C8orf74: variants seen among roughly 807,000 people sequenced by gnomAD.
The protein encoded by C8orf74 is chromosome 8 open reading frame 74.
C8orf74 carries 29 observed loss-of-function variants against 22.2 expected under a neutral mutation model. That is an observed-to-expected ratio of 1.31 (90% CI 0.97 to 1.78). The LOEUF is 1.78. Ranked by LOEUF, C8orf74 falls within the 40% of genes most tolerant of loss-of-function variation. C8orf74 has a pLI of 0.00. For missense variants in C8orf74, 515 were observed against 369.9 expected (o/e 1.39, Z -3.22); for synonymous variants, 255 against 163.1 (o/e 1.56, Z -4.30).
intron 2 of C8orf74, among the ~76,000 whole-genome samples, chr8:10,677,018 T>G (rs548168205): frequency 2.5e-4 from 38 of 152,110 alleles, no homozygotes; most frequent in African/African-American, 8.9e-4. Flanking sequence ...GCACTTCTGG[T>G]TGGAGCATGC....
At chr8:10,690,978 C>T in intron 2 of C8orf74, 1 of 455,108 alleles carries the variant, frequency 2.2e-6, no homozygotes. Context: ...ACAGATCTGT[C>T]CGCCCGGCAG....
intron 2 of C8orf74, among the ~76,000 whole-genome samples, chr8:10,683,723 T>C (rs908975746): frequency 6.6e-6 from 1 of 152,060 alleles, no homozygotes; most frequent in Non-Finnish European, 1.5e-5. Flanking sequence ...GCCCCAGAGG[T>C]CACTGGATCC....
intron 2 of C8orf74, among the ~76,000 whole-genome samples, chr8:10,693,427 C>G (rs1338264662): frequency 6.6e-6 from 1 of 152,194 alleles, no homozygotes; most frequent in African/African-American, 2.4e-5. Context: ...ACTCCTCAAC[C>G]ACCTCCCTGG....
intron 1 of C8orf74, among the ~76,000 whole-genome samples, chr8:10,674,240 C>T (rs1357290022): frequency 4.8e-5 from 7 of 146,310 alleles, no homozygotes; most frequent in Non-Finnish European, 9.0e-5. Context: ...CATATCATAC[C>T]CCACAACCCT....
In C8orf74 at chr8:10,695,209, C is replaced by T. The variant is rs190922223; in HGVS notation, c.242-2390C>T. ...CTGTACGAAGCTGGACATCTTACCCCATTTGACCCTTCCAACAAGCCTGTG... is the reference window on the plus strand; with the variant it reads ...CTGTACGAAGCTGGACATCTTACCCTATTTGACCCTTCCAACAAGCCTGTG... On this transcript the variant is annotated intron_variant, in intron 2 of 3. Coordinates refer to ENST00000304519, the MANE Select transcript of C8orf74 (RefSeq NM_001040032.2). 4.7e-3 allele frequency among the ~76,000 whole-genome samples: 708 copies of T among 152,236 alleles called. 13 individuals carry two copies. The highest frequency in any genetic ancestry group is 1.6e-3 in the Non-Finnish European group (106 of 68,012).
At chr8:10,676,618 G>C (rs534037232) in intron 2 of C8orf74, among the ~76,000 whole-genome samples, 1 of 152,048 alleles carries the variant, frequency 6.6e-6, no homozygotes, top group African/African-American at 2.4e-5. Flanking sequence ...GCCAGCCTGC[G>C]TTCCCACCCA....
chr8:10,679,182 C>T (rs1166215474), intron 2 of C8orf74, among the ~76,000 whole-genome samples: 3 of 152,138 alleles, frequency 2.0e-5, no homozygotes, highest in African/African-American at 7.2e-5. Flanking sequence ...ACTTCACAGG[C>T]TTGTTGAGTT....
At chr8:10,678,519 G>C (rs1472476878) in intron 2 of C8orf74, among the ~76,000 whole-genome samples, 1 of 151,264 alleles carries the variant, frequency 6.6e-6, no homozygotes, top group African/African-American at 2.4e-5. Flanking sequence ...TTTCTCCTCA[G>C]CCCCTGCACT....
intron 2 of C8orf74, among the ~76,000 whole-genome samples, chr8:10,693,586 G>C (rs994051679): frequency 2.0e-5 from 3 of 152,160 alleles, no homozygotes; most frequent in Non-Finnish European, 4.4e-5. Context: ...CCCAATGCTG[G>C]GGGCTGAGAA....
chr8:10,689,471 G>A (rs1292539300), intron 2 of C8orf74: 1 of 152,162 alleles, frequency 6.6e-6, no homozygotes, highest in Non-Finnish European at 1.5e-5. Context: ...GCATATTAAA[G>A]CTCTATTTAA....
At chr8:10,687,580 C>T (rs1222634352) in intron 2 of C8orf74, among the ~76,000 whole-genome samples, 1 of 118,406 alleles carries the variant, frequency 8.4e-6, no homozygotes, top group East Asian at 2.5e-4. Flanking sequence ...CGCTCCACTG[C>T]AATCCAGCCT....
At chr8:10,674,238 AC>A (rs1317444173) in intron 1 of C8orf74, among the ~76,000 whole-genome samples, 1 of 127,190 alleles carries the variant, frequency 7.9e-6, no homozygotes, top group African/African-American at 3.1e-5. Flanking sequence ...CCCATATCAT[AC>A]CCCACAACCC....
chr8:10,693,787 G>A lies in C8orf74; in HGVS notation c.242-3812G>A, dbSNP rs112106583. Among the ~76,000 whole-genome samples, 217 of 152,282 alleles carry A rather than the reference G, an allele frequency of 1.4e-3. 3 individuals carry two copies. In the Middle Eastern group the frequency reaches 0.027, roughly 19 times the overall value. On this transcript the variant is annotated intron_variant, in intron 2 of 3. Coordinates refer to ENST00000304519, the MANE Select transcript of C8orf74 (RefSeq NM_001040032.2). ...TTTCTGTCTTGCACACCCTACGTCC[G>A]AGGACGGCCAGGTCCTGCCACTCAG...
chr8:10,696,416 TTTTTC>T (rs1226997745), intron 2 of C8orf74, among the ~76,000 whole-genome samples: 2,274 of 142,980 alleles, frequency 0.016, 43 homozygotes, highest in African/African-American at 0.044. Flanking sequence ...CCACTCTTTT[TTTTTC>T]TTTTCTTTTC....
At chr8:10,678,506 C>T (rs968376074) in intron 2 of C8orf74, among the ~76,000 whole-genome samples, 2 of 152,006 alleles carry the variant, frequency 1.3e-5, no homozygotes, top group Non-Finnish European at 2.9e-5. Flanking sequence ...CGTGCCAGGG[C>T]CCTTTCTCCT....
At chr8:10,683,604 C>T (rs549298836) in intron 2 of C8orf74, among the ~76,000 whole-genome samples, 1 of 152,176 alleles carries the variant, frequency 6.6e-6, no homozygotes, top group Non-Finnish European at 1.5e-5. Context: ...CCTCACCAAG[C>T]TCGAGTCAGC....
At chr8:10,692,178 G>A (rs546025964) in intron 2 of C8orf74, 1 of 152,536 alleles carries the variant, frequency 6.6e-6, no homozygotes, top group Non-Finnish European at 1.5e-5. Context: ...GGACAGGAAG[G>A]GACACAGGGC....
At chr8:10,694,886 G>A (rs1373037975) in intron 2 of C8orf74, among the ~76,000 whole-genome samples, 3 of 152,144 alleles carry the variant, frequency 2.0e-5, no homozygotes, top group Non-Finnish European at 4.4e-5. Flanking sequence ...ATGAATGGAT[G>A]GAAGAATGGA....
chr8:10,684,434 C>T (rs370477972), intron 2 of C8orf74, among the ~76,000 whole-genome samples: 1 of 152,196 alleles, frequency 6.6e-6, no homozygotes, highest in Non-Finnish European at 1.5e-5. Context: ...GAGTCCATGA[C>T]AGTCTTTAAA....
Sources: allele counts gnomAD v4.1 joint callset (sites outside exome capture counted in the v4.1 genomes callset), GRCh38; gene constraint gnomAD v4.1.1; transcripts MANE v1.5; gene names NCBI Gene and HGNC (gene_info 2026-07-23, HGNC 2026-07-21).